Variants in PON3 observed in about 807,000 individuals in gnomAD.
PON3 encodes paraoxonase 3, also known as serum paraoxonase/lactonase 3.
A neutral mutation model predicts 36.3 loss-of-function variants in PON3; 37 were observed. The ratio of observed to expected loss-of-function variants is 1.02; its 90% CI spans 0.78 to 1.34. PON3 has a LOEUF of 1.34. Among genes scored for constraint, PON3 ranks in the 40% most tolerant of loss-of-function variants. PON3 has a pLI of 0.00. For missense variants in PON3, 415 were observed against 426.5 expected (o/e 0.97, Z 0.24); for synonymous variants, 155 against 154.8 (o/e 1.00, Z -0.01).
chr7:95,364,061 A>G lies in PON3; in HGVS notation c.497T>C (p.Val166Ala). ...KTIKHELLKS[V>A]NDIVVLGPEQ... ...TGGTCCAAGAACCACAATGTCATTC[A>G]CACTAAAGTGAAAGGGAGGTGGAAA... The change falls in exon 6 of 9, where the codon GTG becomes GCG. Residue 166 changes from valine to alanine, a missense_variant and splice_region_variant. Coordinates refer to ENST00000265627, the MANE Select transcript of PON3 (RefSeq NM_000940.3). The G allele has an allele frequency of 6.2e-7, 1 of 1,613,486 alleles. No individual in the cohort carries two copies. The highest frequency in any genetic ancestry group is 1.1e-5 in the South Asian group (1 of 91,070).
chr7:95,366,147 C>T lies in PON3; in HGVS notation c.494+1215G>A, dbSNP rs142153646. 1.6e-3 allele frequency among the ~76,000 whole-genome samples: 250 copies of T among 152,224 alleles called. 6 individuals are homozygous for T. In the East Asian group the frequency reaches 0.044, roughly 27 times the overall value. On this transcript the variant is annotated intron_variant, in intron 5 of 8. Coordinates refer to ENST00000265627, the MANE Select transcript of PON3 (RefSeq NM_000940.3). ...GGGATTGTACTCCCTAATGAAGTGG[C>T]CAAATATCAGGTGTGCCCTCAGGCT...
chr7:95,390,993 A>G (rs10487132), intron 2 of PON3, among the ~76,000 whole-genome samples: 44,736 of 152,046 alleles, frequency 0.29, 8,067 homozygotes, highest in Middle Eastern at 0.48. Flanking sequence ...ACTATCATTA[A>G]AATCCCACTG....
intron 4 of PON3, among the ~76,000 whole-genome samples, chr7:95,370,910 C>T (rs1376345356): frequency 6.6e-6 from 1 of 152,176 alleles, no homozygotes; most frequent in Non-Finnish European, 1.5e-5. Context: ...AGTTCCAGAA[C>T]ATTTTCATCA....
Position 95,372,275 on chromosome 7 carries a change from C to T in PON3, c.265G>A (p.Asp89Asn), listed in dbSNP as rs765556823. Residue 89 changes from aspartate (D) to asparagine (N), a missense_variant, in exon 4 of 9, where the codon GAT becomes AAT. Coordinates refer to ENST00000265627, the MANE Select transcript of PON3 (RefSeq NM_000940.3). ...PDEPGKIFLM[D>N]LNEQNPRAQA... is the part of the protein sequence containing the mutation. ...GCCCTTGGGTTTTGTTCATTCAGAT[C>T]CATCAAGAAGATTTTTCCTGGTTCA... The T allele has an allele frequency of 1.9e-6, 3 of 1,613,808 alleles. No homozygotes were observed. Among genetic ancestry groups the T allele is most frequent in the Non-Finnish European group, 2.5e-6 (3 of 1,179,888 alleles).
chr7:95,381,475 A>G (rs1381693026), intron 3 of PON3, among the ~76,000 whole-genome samples: 1 of 152,218 alleles, frequency 6.6e-6, no homozygotes, highest in East Asian at 1.9e-4. Context: ...GTGCAGAGAC[A>G]CACATAGGCT....
chr7:95,367,521 G>C lies in PON3; in HGVS notation c.368-33C>G, dbSNP rs200002451. 96 of 1,608,028 alleles carry C rather than the reference G, an allele frequency of 6.0e-5. No homozygotes were observed. In the East Asian group the frequency reaches 2.0e-3, roughly 33 times the overall value. ...GAAAAAAGGGATAATTTCCAAGAAAGTTACCCCTATCACAACTAATATTAG... is the reference window on the plus strand; with the variant it reads ...GAAAAAAGGGATAATTTCCAAGAAACTTACCCCTATCACAACTAATATTAG... On this transcript the variant is annotated intron_variant, in intron 4 of 8. Coordinates refer to ENST00000265627, the MANE Select transcript of PON3 (RefSeq NM_000940.3).
At chr7:95,383,005 A>G (rs903738018) in intron 3 of PON3, among the ~76,000 whole-genome samples, 1 of 152,146 alleles carries the variant, frequency 6.6e-6, no homozygotes, top group Admixed American at 6.6e-5. Context: ...TTATGCACCA[A>G]GATCAAGTGG....
chr7:95,387,900 T>A (rs946960122), intron 3 of PON3, among the ~76,000 whole-genome samples: 1 of 152,170 alleles, frequency 6.6e-6, no homozygotes, highest in Admixed American at 6.5e-5. Context: ...CCCTATGTAA[T>A]AAATGGTGCT....
At chr7:95,365,954 T>A (rs977119539) in intron 5 of PON3, 1 of 151,614 alleles carries the variant, frequency 6.6e-6, no homozygotes, top group South Asian at 2.1e-4. Flanking sequence ...ACTAATTACA[T>A]CTGCAATGAC....
intron 4 of PON3, among the ~76,000 whole-genome samples, chr7:95,371,606 A>G (rs1004564084): frequency 6.6e-6 from 1 of 152,172 alleles, no homozygotes; most frequent in Admixed American, 6.5e-5. Flanking sequence ...AGAAATGTCT[A>G]TCTAGGTAGA....
At position 95,363,955 on chromosome 7, in the gene PON3, C is replaced by G. The variant is rs1469230169; in HGVS notation, c.603G>C (p.Trp201Cys). The G allele has an allele frequency of 6.2e-7, 1 of 1,613,808 alleles. No individual in the cohort carries two copies. Among genetic ancestry groups the G allele is most frequent in the Admixed American group, 1.7e-5 (1 of 60,006 alleles). Reference protein sequence around the residue: ...SFFEMILDLRWTYVLFYSPRE... With the variant: ...SFFEMILDLRCTYVLFYSPRE... ...TTGGGCTGTAGAAAAGAACATAAGT[C>G]CAGCGAAGATCCAAGATCATCTCAA... The change falls in exon 6 of 9, where the codon TGG (tryptophan) becomes TGC (cysteine). Residue 201 changes from tryptophan (W) to cysteine (C), a missense_variant. Transcript: ENST00000265627.
At chr7:95,394,587 AG>A in intron 2 of PON3, 56 bp downstream of exon 2, 2 of 1,471,660 alleles carry the variant, frequency 1.4e-6, no homozygotes, top group Non-Finnish European at 1.9e-6. Context: ...GGGCTCAGTC[AG>A]GTGGATGACG....
At position 95,394,731 on chromosome 7, in the gene PON3, C is replaced by T. The variant is rs754663840; in HGVS notation, c.75-17G>A. ...ACCCTTTCTCTGTAGAAGATAAAAC[C>T]CAACCCTGGAAGTCAAGGCACAGCA... On this transcript the variant is annotated splice_polypyrimidine_tract_variant and intron_variant, in intron 1 of 8. Coordinates refer to ENST00000265627, the MANE Select transcript of PON3 (RefSeq NM_000940.3). 1 of 1,611,610 alleles carries T rather than the reference C, an allele frequency of 6.2e-7. No homozygotes were observed. Among genetic ancestry groups the T allele is most frequent in the South Asian group, 1.1e-5 (1 of 91,012 alleles).
In PON3 at chr7:95,388,117, G is replaced by A. The variant is rs544147304; in HGVS notation, c.201+2037C>T. Among the ~76,000 whole-genome samples the A allele has an allele frequency of 3.3e-5, 5 of 152,158 alleles. No individual in the cohort carries two copies. The South Asian group carries it at 1.0e-3, about 32-fold the overall frequency. ...GATCTAATTAAACTAAAGAGCTTCTGCACAGCAAAAGAAACTATCATCAGA... is the reference window on the plus strand; with the variant it reads ...GATCTAATTAAACTAAAGAGCTTCTACACAGCAAAAGAAACTATCATCAGA... On this transcript the variant is annotated intron_variant, in intron 3 of 8. Coordinates refer to ENST00000265627, the MANE Select transcript of PON3 (RefSeq NM_000940.3).
At chr7:95,383,937 T>C (rs1269445637) in intron 3 of PON3, among the ~76,000 whole-genome samples, 2 of 152,160 alleles carry the variant, frequency 1.3e-5, no homozygotes, top group Admixed American at 6.5e-5. Flanking sequence ...GGCATCACGC[T>C]ACCTGACTTC....
intron 5 of PON3, chr7:95,365,470 T>C (rs1269146265): frequency 1.3e-5 from 2 of 152,254 alleles, no homozygotes; most frequent in Non-Finnish European, 2.9e-5. Flanking sequence ...GGCTGGTGGA[T>C]AAACCCTTCT....
chr7:95,374,719 T>C (rs1646293013), intron 3 of PON3, among the ~76,000 whole-genome samples: 1 of 152,122 alleles, frequency 6.6e-6, no homozygotes, highest in South Asian at 2.1e-4. Flanking sequence ...TTACTTTATT[T>C]TGATAACTTT....
At chr7:95,370,126 G>A (rs17883791) in intron 4 of PON3, among the ~76,000 whole-genome samples, 38,910 of 152,094 alleles carry the variant, frequency 0.26, 5,418 homozygotes, top group South Asian at 0.37. Flanking sequence ...AACCCAGGCC[G>A]TTCTGGAGAT....
At chr7:95,363,789 T>G (rs1808629545) in intron 6 of PON3, 74 bp downstream of exon 6, 1 of 1,418,664 alleles carries the variant, frequency 7.0e-7, no homozygotes, top group African/African-American at 1.4e-5. Context: ...AGTAAGGAAG[T>G]AACTTCCTCG....
Sources: allele counts gnomAD v4.1 joint callset (sites outside exome capture counted in the v4.1 genomes callset), GRCh38; gene constraint gnomAD v4.1.1; transcripts MANE v1.5; gene names NCBI Gene and HGNC (gene_info 2026-07-23, HGNC 2026-07-21).